CARF: variants seen among roughly 807,000 people sequenced by gnomAD.
CARF encodes calcium responsive transcription factor.
CARF carries 57 observed loss-of-function variants against 82.0 expected under a neutral mutation model. The observed-to-expected ratio is 0.70, with a 90% CI of 0.56 to 0.87. The LOEUF is 0.87. Among genes scored for constraint, CARF ranks in the 40% least tolerant of loss-of-function variants. CARF has a pLI of 0.00. For synonymous variants in CARF, 268 were observed against 290.1 expected (o/e 0.92, Z 0.77); for missense variants, 771 against 855.8 (o/e 0.90, Z 1.24).
At position 202,987,766 on chromosome 2, in the gene CARF, A is replaced by G. The variant is rs2060489916; in HGVS notation, c.*4142A>G. On this transcript the variant is annotated 3_prime_UTR_variant, in exon 17 of 17. Coordinates refer to ENST00000438828, the MANE Select transcript of CARF (RefSeq NM_024744.17). ...TATAAGAATACTAAAACCAGAGTAC[A>G]GGGTGTGAATCATGTACCAGGAGGG... Among the ~76,000 whole-genome samples the G allele has an allele frequency of 6.6e-6, 1 of 152,236 alleles. No homozygotes were observed. Among genetic ancestry groups the G allele is most frequent in the African/African-American group, 2.4e-5 (1 of 41,470 alleles).
At chr2:202,916,636 T>C (rs1033464570) in intron 1 of CARF, among the ~76,000 whole-genome samples, 9 of 152,184 alleles carry the variant, frequency 5.9e-5, no homozygotes, top group Non-Finnish European at 1.3e-4. Context: ...GGGGATTTAT[T>C]CTAAGGTTAT....
chr2:202,974,075 G>C (rs528033315), intron 12 of CARF, among the ~76,000 whole-genome samples: 31 of 152,218 alleles, frequency 2.0e-4, no homozygotes, highest in African/African-American at 6.7e-4. Flanking sequence ...GCGACAGAGC[G>C]AGACTCCATC....
In CARF at chr2:202,974,641, G is replaced by A. The variant is rs578132168; in HGVS notation, c.1494+145G>A. On this transcript the variant is annotated intron_variant, in intron 13 of 16. Coordinates refer to ENST00000438828, the MANE Select transcript of CARF (RefSeq NM_024744.17). ...AGGCCGGGCGTGGTGGCTCATGCCT[G>A]TAATCCCAACACTTTGGGAGGCCGA... 1.3e-5 allele frequency: 9 copies of A among 712,854 alleles called. No homozygotes were observed. In the South Asian group the frequency reaches 1.7e-4, roughly 14 times the overall value. 44.2% of individuals were successfully genotyped at this position (712,854 alleles called of 1,614,324 possible).
rs986509434 is a variant in CARF, at chr2:202,932,733, C to T, written c.-44+8318C>T. ...TAGGCCCTGGGGGTGTAGGGAACAG[C>T]ATAGCAATGACTGCACTCCCTACGG... is the stretch of plus-strand genomic sequence containing the variant. On this transcript the variant is annotated intron_variant, in intron 3 of 16. Coordinates refer to ENST00000438828, the MANE Select transcript of CARF (RefSeq NM_024744.17). 2.0e-5 allele frequency among the ~76,000 whole-genome samples: 3 copies of T among 152,058 alleles called. No homozygotes were observed. The East Asian group carries it at 5.8e-4, about 29-fold the overall frequency.
In CARF at chr2:202,982,409, CA is replaced by C. The variant is rs1323713969; in HGVS notation, c.2029del (p.Ile677TyrfsTer4). ...CTGTTGGGAGATGTGCAGACTATTC[CA>C]ATACAGATTATAGACAACCACTCAG... ...RILLGDVQTI[P>X]IQIIDNHSAL... On this transcript the variant is annotated frameshift_variant, in exon 16 of 17. Transcript: ENST00000438828. LOFTEE classifies it high-confidence loss of function. The C allele has an allele frequency of 9.9e-6, 16 of 1,613,946 alleles. No homozygotes were observed. The highest frequency in any genetic ancestry group is 1.0e-5 in the Non-Finnish European group (12 of 1,179,966).
chr2:202,956,841 T>G (rs2059068295), intron 8 of CARF, among the ~76,000 whole-genome samples: 1 of 152,056 alleles, frequency 6.6e-6, no homozygotes, highest in Non-Finnish European at 1.5e-5. Context: ...CAGGCTGGAG[T>G]GCAGTGGCGC....
chr2:202,933,341 T>C (rs1002948727), intron 3 of CARF, among the ~76,000 whole-genome samples: 1 of 152,092 alleles, frequency 6.6e-6, no homozygotes, highest in African/African-American at 2.4e-5. Context: ...GATTCCAAGA[T>C]GACATAGCAC....
chr2:202,981,513 A>G, intron 14 of CARF, 42 bp from the exon 15 acceptor site: 1 of 1,339,022 alleles, frequency 7.5e-7, no homozygotes, highest in Non-Finnish European at 1.0e-6. Flanking sequence ...ACTTCATAGA[A>G]GCCATAAAAA....
chr2:202,981,249 C>T (rs1377441353), intron 14 of CARF, among the ~76,000 whole-genome samples: 1 of 152,144 alleles, frequency 6.6e-6, no homozygotes, highest in African/African-American at 2.4e-5. Context: ...AAGGAGTGTG[C>T]AACTTAGATC....
chr2:202,949,267 G>T (rs1448694574), intron 5 of CARF, among the ~76,000 whole-genome samples: 1 of 151,292 alleles, frequency 6.6e-6, no homozygotes, highest in Non-Finnish European at 1.5e-5. Flanking sequence ...CCAGGAGGCA[G>T]AGGTTGTGGT....
intron 3 of CARF, among the ~76,000 whole-genome samples, chr2:202,932,071 T>A (rs1054577397): frequency 6.6e-6 from 1 of 152,134 alleles, no homozygotes; most frequent in Non-Finnish European, 1.5e-5. Context: ...GCATTTCACA[T>A]GGCAGGAGCA....
At chr2:202,964,563 G>A (rs1395394501) in intron 9 of CARF, among the ~76,000 whole-genome samples, 1 of 152,072 alleles carries the variant, frequency 6.6e-6, no homozygotes, top group Non-Finnish European at 1.5e-5. Flanking sequence ...TTACAGGCAT[G>A]AGCCACTGTG....
intron 3 of CARF, among the ~76,000 whole-genome samples, chr2:202,934,048 TA>T (rs961148791): frequency 2.6e-5 from 4 of 151,606 alleles, no homozygotes; most frequent in African/African-American, 7.3e-5. Flanking sequence ...GCTGATGAGT[TA>T]AAAAAAATAT....
intron 14 of CARF, among the ~76,000 whole-genome samples, chr2:202,978,894 A>T (rs534495091): frequency 6.6e-6 from 1 of 152,184 alleles, no homozygotes; most frequent in Non-Finnish European, 1.5e-5. Flanking sequence ...TGAGGGATTA[A>T]TTGACTGGAG....
At chr2:202,968,855 G>A (rs986408078) in intron 10 of CARF, among the ~76,000 whole-genome samples, 4 of 152,004 alleles carry the variant, frequency 2.6e-5, no homozygotes, top group Non-Finnish European at 5.9e-5. Flanking sequence ...TACCTATTTA[G>A]GTATTTAAAG....
intron 3 of CARF, chr2:202,925,926 C>T: frequency 6.2e-6 from 1 of 162,196 alleles, no homozygotes; most frequent in Non-Finnish European, 1.4e-5. Context: ...CCTGCGAAGG[C>T]CTCACAAGCT....
chr2:202,942,144 C>T lies in CARF; in HGVS notation c.78+164C>T, dbSNP rs180708468. Among the ~76,000 whole-genome samples the T allele has an allele frequency of 0.023, 3,494 of 152,096 alleles. 68 individuals carry two copies. The highest frequency in any genetic ancestry group is 0.066 in the South Asian group (317 of 4,816). On this transcript the variant is annotated intron_variant, in intron 4 of 16. Transcript: ENST00000438828. Reference sequence around the variant, plus strand: ...ATCCCAGCACTTTGGGAGGCTGAGGCGGGCGTATCACCTGAGGTCAGGAGT... The same window carrying T: ...ATCCCAGCACTTTGGGAGGCTGAGGTGGGCGTATCACCTGAGGTCAGGAGT...
At chr2:202,929,331 T>A (rs1279052451) in intron 3 of CARF, among the ~76,000 whole-genome samples, 1 of 152,212 alleles carries the variant, frequency 6.6e-6, no homozygotes, top group East Asian at 1.9e-4. Flanking sequence ...CACATTTAAG[T>A]CTTTAATCCA....
rs1553584368 is a variant in CARF at position 202,986,868 on chromosome 2, G to GTATATACA, written c.*3250_*3251insCATATATA. The GTATATACA allele has an allele frequency of 3.4e-5, 1 of 29,652 alleles. No individual in the cohort carries two copies. Among genetic ancestry groups the GTATATACA allele is most frequent in the Non-Finnish European group, 9.3e-5 (1 of 10,736 alleles). The allele number at this position is 29,652 out of a possible 1,614,324, so 1.8% of individuals were successfully genotyped here. A position where few individuals can be genotyped will look rare whatever the true frequency, so the allele number is the denominator to read the frequency against. On this transcript the variant is annotated 3_prime_UTR_variant, in exon 17 of 17. Transcript: ENST00000438828. ...AAAGAGGTTTAAAAAATGTCTGTGC[G>GTATATACA]TATATATATATATATATATATATAT...
Sources: gnomAD v4.1 joint callset for allele counts (sites outside exome capture counted in the v4.1 genomes callset) on GRCh38, gnomAD v4.1.1 for gene constraint, MANE v1.5 for transcripts, NCBI Gene and HGNC (gene_info 2026-07-23, HGNC 2026-07-21) for gene names.